ZEB1: variants seen among roughly 807,000 people sequenced by gnomAD.
ZEB1 encodes the protein zinc finger E-box binding homeobox 1, also known as zinc finger E-box-binding homeobox 1.
In ZEB1, 21 loss-of-function variants were observed where a neutral mutation model predicts 84.9. The observed-to-expected ratio is 0.25, with a 90% CI of 0.18 to 0.36. ZEB1 has a LOEUF of 0.36. Ranked by LOEUF, ZEB1 falls within the 10% of genes least tolerant of loss-of-function variation. The probability of loss-of-function intolerance (pLI) is 1.00; values close to 1 mark genes in which losing one functional copy is unlikely to be tolerated. For synonymous variants in ZEB1, 420 were observed against 471.1 expected (o/e 0.89, Z 1.41); for missense variants, 1,104 against 1,330.2 (o/e 0.83, Z 2.65).
intron 1 of ZEB1, among the ~76,000 whole-genome samples, chr10:31,364,298 C>T (rs576980008): frequency 6.6e-6 from 1 of 152,324 alleles, no homozygotes; most frequent in Admixed American, 6.5e-5. Context: ...CAGGGATATC[C>T]TGCTCCTGGG....
At position 31,520,061 on chromosome 10, in the gene ZEB1, TGAG is replaced by T. The variant is rs2071970956; in HGVS notation, c.794-62_794-60del. 6.4e-7 allele frequency: 1 copy of T among 1,571,312 alleles called. No individual in the cohort carries two copies. The highest frequency in any genetic ancestry group is 8.6e-7 in the Non-Finnish European group (1 of 1,159,622). ...ATTGATACCGCTTGTTTTAGGGAAA[TGAG>T]GATACATAAAAATTTATATGTAATA... On this transcript the variant is annotated intron_variant, in intron 6 of 8. Transcript: ENST00000424869. This position sits in a 1 kb window ranked among gnomAD's most constrained non-coding sequence, Gnocchi z 5.1.
intron 1 of ZEB1, among the ~76,000 whole-genome samples, chr10:31,356,127 C>T (rs2042081870): frequency 6.6e-6 from 1 of 152,012 alleles, no homozygotes; most frequent in African/African-American, 2.4e-5. Context: ...CTCTAAAATA[C>T]TTTCAGGTAA....
chr10:31,397,201 A>G (rs2050952420), intron 1 of ZEB1, among the ~76,000 whole-genome samples: 1 of 131,730 alleles, frequency 7.6e-6, no homozygotes, highest in African/African-American at 2.7e-5. Context: ...TATTATTATT[A>G]TACTTTAAGT....
At chr10:31,497,975 T>A (rs983555109) in intron 3 of ZEB1, among the ~76,000 whole-genome samples, 42 of 107,892 alleles carry the variant, frequency 3.9e-4, no homozygotes, top group African/African-American at 1.4e-3. Flanking sequence ...ATAGATAGAT[T>A]TAAAAATATT....
chr10:31,326,522 G>A (rs1409795153), intron 1 of ZEB1, among the ~76,000 whole-genome samples: 4 of 152,132 alleles, frequency 2.6e-5, no homozygotes, highest in Non-Finnish European at 5.9e-5. Flanking sequence ...TTGGACTGGA[G>A]AGATTTGGGA....
intron 1 of ZEB1, among the ~76,000 whole-genome samples, chr10:31,359,998 T>C (rs2042741739): frequency 6.6e-6 from 1 of 152,156 alleles, no homozygotes; most frequent in South Asian, 2.1e-4. Flanking sequence ...AAAGTGTCTG[T>C]TTTTTCAAAG....
rs1236590082 is a variant in ZEB1, at chr10:31,464,079, A to C, written c.259+2842A>C. Among the ~76,000 whole-genome samples the C allele has an allele frequency of 2.0e-5, 3 of 152,230 alleles. No individual in the cohort carries two copies. The East Asian group carries it at 5.8e-4, about 29-fold the overall frequency. ...TAATCTAATAGAACTAAAAATAAAA[A>C]ATTGAATAGTAGGAATTTGAAATTC... On this transcript the variant is annotated intron_variant, in intron 2 of 8. Transcript: ENST00000424869.
At chr10:31,427,613 G>A (rs967011605) in intron 1 of ZEB1, among the ~76,000 whole-genome samples, 2 of 152,140 alleles carry the variant, frequency 1.3e-5, no homozygotes, top group African/African-American at 4.8e-5. Context: ...CAGCACTTTG[G>A]GAGGCCAAGG....
rs539244000 is a variant in ZEB1 at position 31,512,396 on chromosome 10, A to G, written c.687+1521A>G. On this transcript the variant is annotated intron_variant, in intron 5 of 8. Coordinates refer to ENST00000424869, the MANE Select transcript of ZEB1 (RefSeq NM_001174096.2). ...TGCAAATGTAGTAGGATTTACATATAAACCGTGGGTCAGACTAAGGTCAGG... is the reference window on the plus strand; with the variant it reads ...TGCAAATGTAGTAGGATTTACATATGAACCGTGGGTCAGACTAAGGTCAGG... Among the ~76,000 whole-genome samples, 5 of 152,314 alleles carry G rather than the reference A, an allele frequency of 3.3e-5. No individual in the cohort carries two copies. The South Asian group carries it at 1.0e-3, about 32-fold the overall frequency.
intron 4 of ZEB1, 71 bp from the exon 5 acceptor site, chr10:31,510,602 G>A: frequency 8.0e-7 from 1 of 1,255,968 alleles, no homozygotes; most frequent in African/African-American, 1.5e-5. Flanking sequence ...CATAGCATAG[G>A]GACTCAGTGG....
At chr10:31,402,819 A>G (rs2052318513) in intron 1 of ZEB1, among the ~76,000 whole-genome samples, 1 of 152,136 alleles carries the variant, frequency 6.6e-6, no homozygotes, top group South Asian at 2.1e-4. Flanking sequence ...CACAACTGCC[A>G]TCTCACTTTA....
At chr10:31,510,439 A>G (rs892351977) in intron 4 of ZEB1, among the ~76,000 whole-genome samples, 2 of 152,182 alleles carry the variant, frequency 1.3e-5, no homozygotes, top group African/African-American at 4.8e-5. Flanking sequence ...CCCGTATTTG[A>G]ACCCTGACTT....
rs557220736 is a variant in ZEB1 at position 31,501,783 on chromosome 10, C to T, written c.323-565C>T. ...TTGCAACAAGAACTATAATAAAATA[C>T]GGTTATAACAATATGCTTTAATAAA... On this transcript the variant is annotated intron_variant, in intron 3 of 8. Transcript: ENST00000424869. Among the ~76,000 whole-genome samples the T allele has an allele frequency of 4.5e-4, 69 of 152,132 alleles. 1 individual carries two copies. The highest frequency in any genetic ancestry group is 1.6e-3 in the African/African-American group (66 of 41,502).
intron 1 of ZEB1, among the ~76,000 whole-genome samples, chr10:31,429,787 A>G (rs1591174411): frequency 9.1e-6 from 1 of 109,596 alleles, no homozygotes; most frequent in Non-Finnish European, 1.7e-5. Flanking sequence ...CTTGTCCCCC[A>G]GGCTGGAGTG....
chr10:31,395,472 C>T (rs2050545988), intron 1 of ZEB1, among the ~76,000 whole-genome samples: 1 of 152,056 alleles, frequency 6.6e-6, no homozygotes, highest in South Asian at 2.1e-4. Context: ...TCCTTTAGCA[C>T]AATAAAGACA....
chr10:31,457,741 C>T lies in ZEB1; in HGVS notation c.59-3296C>T, dbSNP rs1003962577. On this transcript the variant is annotated intron_variant, in intron 1 of 8. Coordinates refer to ENST00000424869, the MANE Select transcript of ZEB1 (RefSeq NM_001174096.2). ...GGTTGACTTGGGCAGAATAGAACACCCAGTATCTCTGGTTAAAAAGAACTC... is the reference window on the plus strand; with the variant it reads ...GGTTGACTTGGGCAGAATAGAACACTCAGTATCTCTGGTTAAAAAGAACTC... 3.3e-5 allele frequency among the ~76,000 whole-genome samples: 5 copies of T among 151,934 alleles called. No homozygotes were observed. The South Asian group carries it at 8.3e-4, about 25-fold the overall frequency.
intron 1 of ZEB1, chr10:31,319,511 T>G: frequency 1.8e-6 from 1 of 566,992 alleles, no homozygotes; most frequent in African/African-American, 2.0e-5. Flanking sequence ...GTTATGTCTC[T>G]TACCTGGTCT....
chr10:31,420,667 C>G (rs1257082887), intron 1 of ZEB1, among the ~76,000 whole-genome samples: 2 of 152,086 alleles, frequency 1.3e-5, no homozygotes, highest in African/African-American at 4.8e-5. Context: ...ATAACATAAT[C>G]ACAACAGTAA....
At chr10:31,321,493 T>C (rs574806399) in intron 1 of ZEB1, 5 of 1,614,026 alleles carry the variant, frequency 3.1e-6, no homozygotes, top group African/African-American at 2.7e-5. Flanking sequence ...GTGTTCCATA[T>C]TGAGCTGTTG....
Sources: allele counts gnomAD v4.1 joint callset (sites outside exome capture counted in the v4.1 genomes callset), GRCh38; gene constraint gnomAD v4.1.1; non-coding constraint Gnocchi (gnomAD v3.1); transcripts MANE v1.5; gene names NCBI Gene and HGNC (gene_info 2026-07-23, HGNC 2026-07-21).